METTL14: variants seen among roughly 807,000 people sequenced by gnomAD.
METTL14 encodes methyltransferase 14, N6-adenosine-methyltransferase non-catalytic subunit.
Under a neutral mutation model 62.4 loss-of-function variants are expected in METTL14, and 32 were observed. The ratio of observed to expected loss-of-function variants is 0.51; its 90% CI spans 0.39 to 0.69. METTL14 has a LOEUF of 0.69. Among genes scored for constraint, METTL14 ranks in the 30% least tolerant of loss-of-function variants. The pLI is 0.00. For synonymous variants in METTL14, 150 were observed against 180.0 expected (o/e 0.83, Z 1.34); for missense variants, 340 against 551.9 (o/e 0.62, Z 3.85).
rs1579063778 is a variant in METTL14 at position 118,687,810 on chromosome 4, T to TGTGA, written c.67-112_67-111insTGAG. On this transcript the variant is annotated intron_variant, in intron 1 of 10. Coordinates refer to ENST00000388822, the MANE Select transcript of METTL14 (RefSeq NM_020961.4). ...TGTTTTGTGTGTGTGTGTGTGTGTG[T>TGTGA]GAATTAAGGTGTTTTTGTTTTTTAA... The TGTGA allele has an allele frequency of 1.5e-5, 10 of 685,442 alleles. No individual in the cohort carries two copies. In the East Asian group the frequency reaches 2.8e-4, roughly 19 times the overall value. 42.5% of individuals were successfully genotyped at this position (685,442 alleles called of 1,614,324 possible). A position where few individuals can be genotyped will look rare whatever the true frequency, so the allele number is the denominator to read the frequency against.
chr4:118,701,565 A>T (rs996087370), intron 8 of METTL14, among the ~76,000 whole-genome samples: 2 of 152,204 alleles, frequency 1.3e-5, no homozygotes, highest in Admixed American at 6.5e-5. Context: ...ATGACTAGGT[A>T]TCAGGAGTCT....
chr4:118,700,566 TTGATG>T lies in METTL14; in HGVS notation c.663_667del (p.Glu223CysfsTer33). 2 of 1,612,962 alleles carry T rather than the reference TTGATG, an allele frequency of 1.2e-6. No homozygotes were observed. The highest frequency in any genetic ancestry group is 1.7e-6 in the Non-Finnish European group (2 of 1,179,224). ...TTCTTACAGATTATGAAGTTAGAAA[TTGATG>T]AGATTGCAGCACCTCGATCATTTAT... On this transcript the variant is annotated frameshift_variant, in exon 8 of 11. Coordinates refer to ENST00000388822, the MANE Select transcript of METTL14 (RefSeq NM_020961.4). LOFTEE classifies it high-confidence loss of function.
At chr4:118,699,413 C>G (rs1724519746) in intron 7 of METTL14, among the ~76,000 whole-genome samples, 1 of 152,128 alleles carries the variant, frequency 6.6e-6, no homozygotes, top group African/African-American at 2.4e-5. Flanking sequence ...ATTTCTAAGA[C>G]TTAAGATTAG....
intron 2 of METTL14, among the ~76,000 whole-genome samples, chr4:118,688,795 TC>T (rs1724155075): frequency 1.3e-5 from 2 of 152,192 alleles, no homozygotes; most frequent in South Asian, 4.2e-4. Context: ...TGCCTCAGCC[TC>T]CCCAGTAGCT....
At chr4:118,708,950 A>T (rs1449869813) in intron 10 of METTL14, among the ~76,000 whole-genome samples, 1 of 152,250 alleles carries the variant, frequency 6.6e-6, no homozygotes, top group Non-Finnish European at 1.5e-5. Context: ...TTCTAAAGAC[A>T]GTTTAATCAA....
At chr4:118,702,501 C>T (rs1348993820) in intron 8 of METTL14, among the ~76,000 whole-genome samples, 2 of 151,994 alleles carry the variant, frequency 1.3e-5, no homozygotes, top group Non-Finnish European at 2.9e-5. Flanking sequence ...TTCTGCTGGG[C>T]GCAGTGGCTC....
chr4:118,700,445 T>C, intron 7 of METTL14, 105 bp from the exon 8 acceptor site: 1 of 837,024 alleles, frequency 1.2e-6, no homozygotes, highest in Non-Finnish European at 1.9e-6. Context: ...ACTAATACAC[T>C]TAAAGAACAC....
At position 118,700,625 on chromosome 4, in the gene METTL14, TTGGACCTTGG is replaced by T; in HGVS notation, c.722_731del (p.Leu241Ter). 6.2e-7 allele frequency: 1 copy of T among 1,610,158 alleles called. No individual in the cohort carries two copies. The highest frequency in any genetic ancestry group is 8.5e-7 in the Non-Finnish European group (1 of 1,177,726). On this transcript the variant is annotated frameshift_variant, in exon 8 of 11. Transcript: ENST00000388822. LOFTEE classifies it high-confidence loss of function. ...TCTCTGGTGTGGTTCTGGGGAGGGGTTGGACCTTGGAAGAGTGGTAAGATGGTGCTTTTAT... is the reference window on the plus strand; with the variant it reads ...TCTCTGGTGTGGTTCTGGGGAGGGGTAAGAGTGGTAAGATGGTGCTTTTAT...
At chr4:118,691,926 A>G in intron 4 of METTL14, 55 bp from the exon 5 acceptor site, 2 of 1,123,854 alleles carry the variant, frequency 1.8e-6, no homozygotes, top group Non-Finnish European at 2.7e-6. Flanking sequence ...GTACAGAGAT[A>G]ATTTATCTGC....
At chr4:118,701,849 A>G (rs906276509) in intron 8 of METTL14, among the ~76,000 whole-genome samples, 3 of 152,186 alleles carry the variant, frequency 2.0e-5, no homozygotes, top group African/African-American at 7.2e-5. Flanking sequence ...TTCTACAATT[A>G]CTGTATATTC....
chr4:118,697,241 T>C lies in METTL14; in HGVS notation c.563T>C (p.Val188Ala), dbSNP rs529741768. The change falls in exon 7 of 11, where the codon GTG becomes GCG. Residue 188 changes from valine to alanine, a missense_variant. Val to Ala is a moderately conservative substitution (Grantham distance 64). Transcript: ENST00000388822. The part of the protein sequence containing the change: ...DIRELTPKFD[V>A]ILLEPPLEEY... Reference sequence around the variant, plus strand: ...AGAGAACTAACACCCAAATTTGATGTGATTCTTCTGGAACCCCCTTTAGAA... The same window carrying C: ...AGAGAACTAACACCCAAATTTGATGCGATTCTTCTGGAACCCCCTTTAGAA... The C allele has an allele frequency of 1.2e-6, 2 of 1,612,270 alleles. No homozygotes were observed. The highest frequency in any genetic ancestry group is 2.7e-5 in the African/African-American group (2 of 74,986).
rs764472748 is a variant in METTL14, at chr4:118,705,606, T to C, written c.856-5T>C. The C allele has an allele frequency of 6.2e-7, 1 of 1,612,976 alleles. No individual in the cohort carries two copies. The highest frequency in any genetic ancestry group is 8.5e-7 in the Non-Finnish European group (1 of 1,179,054). On this transcript the variant is annotated splice_polypyrimidine_tract_variant and splice_region_variant and intron_variant, in intron 9 of 10. Transcript: ENST00000388822. ...CAGATTAATTGGTCTGCTCTTGTTA[T>C]TTAGGAACACTGCCTCATGGGGATC...
intron 7 of METTL14, among the ~76,000 whole-genome samples, chr4:118,699,670 T>C (rs529484559): frequency 8.7e-4 from 133 of 152,308 alleles, no homozygotes; most frequent in Non-Finnish European, 1.5e-3. Context: ...GTTTCAGCAG[T>C]GAAGGTACAA....
intron 2 of METTL14, 65 bp downstream of exon 2, chr4:118,688,076 GA>G: frequency 7.6e-7 from 1 of 1,322,678 alleles, no homozygotes; most frequent in Non-Finnish European, 1.1e-6. Flanking sequence ...GCTTAGGCTG[GA>G]TAGGCTGGAG....
At position 118,702,883 on chromosome 4, in the gene METTL14, CA is replaced by C. The variant is rs375545591; in HGVS notation, c.739-1051del. On this transcript the variant is annotated intron_variant, in intron 8 of 10. Transcript: ENST00000388822. ...ACTCTATCTTTTTTTTTTTTTGGTT[CA>C]GGGGGAACTCCCAACAGGATTTCCT... Among the ~76,000 whole-genome samples, 760 of 143,730 alleles carry C rather than the reference CA, an allele frequency of 5.3e-3. 7 individuals are homozygous for C. The highest frequency in any genetic ancestry group is 0.018 in the African/African-American group (702 of 38,930). The allele number at this position is 143,730 out of a possible 152,430, so 94.3% of individuals were successfully genotyped here. A position where few individuals can be genotyped will look rare whatever the true frequency, so the allele number is the denominator to read the frequency against.
intron 1 of METTL14, among the ~76,000 whole-genome samples, chr4:118,687,014 G>T (rs936216369): frequency 6.6e-6 from 1 of 152,210 alleles, no homozygotes; most frequent in Non-Finnish European, 1.5e-5. Flanking sequence ...CTTAGCTTGA[G>T]TAAAACTGGA....
At chr4:118,695,119 C>T (rs988268501) in intron 6 of METTL14, among the ~76,000 whole-genome samples, 6 of 152,084 alleles carry the variant, frequency 3.9e-5, no homozygotes, top group South Asian at 2.1e-4. Context: ...CATGAGCCAG[C>T]GTACTGAGCC....
At chr4:118,697,911 T>C (rs1400680230) in intron 7 of METTL14, among the ~76,000 whole-genome samples, 1 of 151,806 alleles carries the variant, frequency 6.6e-6, no homozygotes, top group African/African-American at 2.4e-5. Context: ...AAGAAAGATG[T>C]GGGACGGCGG....
intron 5 of METTL14, among the ~76,000 whole-genome samples, chr4:118,692,691 T>G (rs1724287275): frequency 6.8e-6 from 1 of 146,256 alleles, no homozygotes; most frequent in African/African-American, 2.5e-5. Flanking sequence ...ACTTACATAC[T>G]GTACAATTCA....
Sources: allele counts gnomAD v4.1 joint callset (sites outside exome capture counted in the v4.1 genomes callset), GRCh38; gene constraint gnomAD v4.1.1; transcripts MANE v1.5; gene names NCBI Gene and HGNC (gene_info 2026-07-23, HGNC 2026-07-21).